PRDM12: variants seen among roughly 807,000 people sequenced by gnomAD.
The protein encoded by PRDM12 is PR/SET domain 12, also known as PR domain zinc finger protein 12.
PRDM12 carries 17 observed loss-of-function variants against 29.6 expected under a neutral mutation model. The ratio of observed to expected loss-of-function variants is 0.57; its 90% CI spans 0.39 to 0.86. The LOEUF (loss-of-function observed/expected upper bound fraction) is 0.86, where lower values mean the gene tolerates loss of function less well. Ranked by LOEUF, PRDM12 falls within the 40% of genes least tolerant of loss-of-function variation. The pLI is 0.00. For missense variants in PRDM12, 422 were observed against 510.8 expected, an observed-to-expected ratio of 0.83 and a Z score of 1.68; for synonymous variants, 231 against 225.8, an observed-to-expected ratio of 1.02 and a Z score of -0.21.
At position 130,665,599 on chromosome 9, in the gene PRDM12, C is replaced by T. The variant is rs184303033; in HGVS notation, c.223+723C>T. ...TTTTGTAAGGGGAATTCCTCGGCCC[C>T]TTTTAAACAAGTCCCCTCCGCATTG... On this transcript the variant is annotated intron_variant, in intron 1 of 4. Coordinates refer to ENST00000253008, the MANE Select transcript of PRDM12 (RefSeq NM_021619.3). Among the ~76,000 whole-genome samples, 761 of 152,264 alleles carry T rather than the reference C, an allele frequency of 5.0e-3. 10 individuals carry two copies. Among genetic ancestry groups the T allele is most frequent in the African/African-American group, 0.015 (604 of 41,542 alleles).
At chr9:130,676,742 C>T (rs1436543206) in intron 3 of PRDM12, among the ~76,000 whole-genome samples, 1 of 152,102 alleles carries the variant, frequency 6.6e-6, no homozygotes, top group Non-Finnish European at 1.5e-5. Context: ...TCCACATTGG[C>T]TTCTCGTCAT....
chr9:130,665,690 A>T (rs1830726581), intron 1 of PRDM12, among the ~76,000 whole-genome samples: 1 of 152,244 alleles, frequency 6.6e-6, no homozygotes, highest in African/African-American at 2.4e-5. Context: ...ATTTCTTTCG[A>T]ATGGAGCCGA....
chr9:130,667,232 G>C (rs1324237363), intron 2 of PRDM12, among the ~76,000 whole-genome samples: 4 of 152,246 alleles, frequency 2.6e-5, no homozygotes, highest in Non-Finnish European at 5.9e-5. Flanking sequence ...GGCTGGAAAG[G>C]AGAATGCCTG....
At chr9:130,671,374 G>GACACAC (rs56920587) in intron 3 of PRDM12, among the ~76,000 whole-genome samples, 5,545 of 135,624 alleles carry the variant, frequency 0.041, 135 homozygotes, top group Non-Finnish European at 0.051. Context: ...AGAGGATCAG[G>GACACAC]ACACACACAC....
rs1164872938 is a variant in PRDM12 at position 130,668,341 on chromosome 9, TA to T, written c.570+29del. 6.2e-7 allele frequency: 1 copy of T among 1,609,016 alleles called. No individual in the cohort carries two copies. The highest frequency in any genetic ancestry group is 1.7e-5 in the Admixed American group (1 of 59,922). ...GTGTGTGTGTGTGTGCACTGTTGTG[TA>T]GGGACCAGCCGGTAAACCCGGCGGG... On this transcript the variant is annotated intron_variant, in intron 3 of 4. Transcript: ENST00000253008. The surrounding 1 kb of genome is among the most constrained non-coding windows in gnomAD (Gnocchi z 4.0).
chr9:130,668,672 G>A lies in PRDM12; in HGVS notation c.570+359G>A, dbSNP rs572408847. The stretch of plus-strand genomic sequence containing the variant: ...CAGAGAAGCAAGATGGGGAGAGGCG[G>A]CCCAGGGAATGCGTTGGGGTGGGAG... On this transcript the variant is annotated intron_variant, in intron 3 of 4. Transcript: ENST00000253008. This position sits in a 1 kb window ranked among gnomAD's most constrained non-coding sequence, Gnocchi z 4.0. Among the ~76,000 whole-genome samples, 5 of 152,280 alleles carry A rather than the reference G, an allele frequency of 3.3e-5. No homozygotes were observed. In the South Asian group the frequency reaches 1.0e-3, roughly 32 times the overall value.
chr9:130,675,964 C>T (rs1395682886), intron 3 of PRDM12, among the ~76,000 whole-genome samples: 1 of 152,192 alleles, frequency 6.6e-6, no homozygotes, highest in Admixed American at 6.5e-5. Context: ...ACCGTGTTCC[C>T]TCCCTGACCC....
intron 3 of PRDM12, among the ~76,000 whole-genome samples, chr9:130,670,404 G>A (rs78776518): frequency 0.013 from 1,926 of 152,202 alleles, 51 homozygotes; most frequent in African/African-American, 0.045. Flanking sequence ...GACAGCAGGG[G>A]GCCTAGCCTG....
chr9:130,672,352 C>T (rs774396938), intron 3 of PRDM12, among the ~76,000 whole-genome samples: 2 of 152,096 alleles, frequency 1.3e-5, no homozygotes, highest in African/African-American at 4.8e-5. Flanking sequence ...TGTGCCACCA[C>T]GCCTGGCTAA....
intron 2 of PRDM12, among the ~76,000 whole-genome samples, chr9:130,667,915 G>A (rs1303554709): frequency 3.3e-5 from 5 of 152,190 alleles, no homozygotes; most frequent in African/African-American, 1.2e-4. Flanking sequence ...ACGGCAACAG[G>A]AGCGTGTATC....
At chr9:130,672,000 G>A (rs564173907) in intron 3 of PRDM12, among the ~76,000 whole-genome samples, 67 of 152,328 alleles carry the variant, frequency 4.4e-4, no homozygotes, top group African/African-American at 1.6e-3. Flanking sequence ...GGGCTTTAGA[G>A]CCCAGGCGGT....
Position 130,677,364 on chromosome 9 carries a change from C to T in PRDM12, c.571-1165C>T, listed in dbSNP as rs549028407. Among the ~76,000 whole-genome samples, 71 of 152,338 alleles carry T rather than the reference C, an allele frequency of 4.7e-4. 1 individual carries two copies. The highest frequency in any genetic ancestry group is 4.6e-3 in the Admixed American group (71 of 15,308). On this transcript the variant is annotated intron_variant, in intron 3 of 4. Transcript: ENST00000253008. The stretch of plus-strand genomic sequence containing the variant: ...CTCTGCAGGCTGAACCAAGCAGACA[C>T]AGAGGGGGCCCTGTCTCTGACCACA...
rs761529563 is a variant in PRDM12, at chr9:130,668,364, C to CG, written c.570+57dup. The CG allele has an allele frequency of 8.1e-6, 13 of 1,600,482 alleles. No individual in the cohort carries two copies. The highest frequency in any genetic ancestry group is 1.7e-5 in the Admixed American group (1 of 59,444). On this transcript the variant is annotated intron_variant, in intron 3 of 4. Coordinates refer to ENST00000253008, the MANE Select transcript of PRDM12 (RefSeq NM_021619.3). The surrounding 1 kb of genome is among the most constrained non-coding windows in gnomAD (Gnocchi z 4.0). ...TGTAGGGACCAGCCGGTAAACCCGG[C>CG]GGGGGGAGGTGTGCAGGGCAGCGGT... is the stretch of plus-strand genomic sequence containing the variant.
At chr9:130,669,362 C>A (rs11244095) in intron 3 of PRDM12, among the ~76,000 whole-genome samples, 103,975 of 151,374 alleles carry the variant, frequency 0.69, 36,373 homozygotes, top group East Asian at 0.99. Flanking sequence ...AATAAAAATA[C>A]AAATACAAAA....
chr9:130,669,802 T>G (rs1464584468), intron 3 of PRDM12, among the ~76,000 whole-genome samples: 5 of 112,822 alleles, frequency 4.4e-5, no homozygotes, highest in East Asian at 2.4e-4. Flanking sequence ...GGTGACAGAG[T>G]GAGACTCCAT....
intron 4 of PRDM12, among the ~76,000 whole-genome samples, chr9:130,680,659 A>ATATATATATATATAT: frequency 3.2e-4 from 23 of 72,168 alleles, no homozygotes; most frequent in East Asian, 2.6e-3. Context: ...ATATATATAT[A>ATATATATATATATAT]TTTTTTTTTT....
chr9:130,666,042 G>T (rs886568392), intron 1 of PRDM12, among the ~76,000 whole-genome samples: 2 of 152,306 alleles, frequency 1.3e-5, no homozygotes, highest in Non-Finnish European at 2.9e-5. Flanking sequence ...CACAGCGAGC[G>T]CAGAGCCTGG....
chr9:130,675,755 G>A (rs1371775473), intron 3 of PRDM12, among the ~76,000 whole-genome samples: 1 of 152,222 alleles, frequency 6.6e-6, no homozygotes, highest in African/African-American at 2.4e-5. Context: ...GAGCCCTAGT[G>A]GATCCCAACA....
intron 3 of PRDM12, among the ~76,000 whole-genome samples, chr9:130,670,639 C>T (rs1564245942): frequency 6.6e-6 from 1 of 152,150 alleles, no homozygotes; most frequent in Non-Finnish European, 1.5e-5. Context: ...CCACATATAA[C>T]AGAATGCACC....
Sources: gnomAD v4.1 joint callset for allele counts (sites outside exome capture counted in the v4.1 genomes callset) on GRCh38, gnomAD v4.1.1 for gene constraint, Gnocchi (gnomAD v3.1) non-coding constraint, MANE v1.5 for transcripts, NCBI Gene and HGNC (gene_info 2026-07-23, HGNC 2026-07-21) for gene names.